The following HHLA1 variants were observed in gnomAD, a reference collection of about 807,000 sequenced individuals.
The protein encoded by HHLA1 is HHLA1 neighbor of OC90.
In HHLA1, 72 loss-of-function variants were observed where a neutral mutation model predicts 69.9. The ratio of observed to expected loss-of-function variants is 1.03; its 90% CI spans 0.85 to 1.25. The LOEUF is 1.25. HHLA1 is among the 50% of genes most tolerant of loss of function. The pLI, the probability that HHLA1 is intolerant of heterozygous loss-of-function variation, is 0.00. For synonymous variants in HHLA1, 252 were observed against 233.2 expected, an observed-to-expected ratio of 1.08 and a Z score of -0.73; for missense variants, 685 against 642.2, an observed-to-expected ratio of 1.07 and a Z score of -0.72.
chr8:132,077,951 T>C lies in HHLA1; in HGVS notation c.946A>G (p.Thr316Ala). Residue 316 changes from threonine to alanine, a missense_variant, in exon 12 of 17, where the codon ACT (threonine) becomes GCT (alanine). By Grantham distance (58) the Thr-to-Ala change is moderately conservative. Coordinates refer to ENST00000414222, the MANE Select transcript of HHLA1 (RefSeq NM_001145095.3). ...PALATRRVARTQWLTADRQTW... is the reference protein window; with the variant it reads ...PALATRRVARAQWLTADRQTW... ...TGTCTGTCAGCTGTCAACCACTGAG[T>C]TCTGGCCACCCTCCTGGTAGCTGCA... is the stretch of plus-strand genomic sequence containing the variant. 1 of 1,551,554 alleles carries C rather than the reference T, an allele frequency of 6.4e-7. No individual in the cohort carries two copies. The highest frequency in any genetic ancestry group is 2.0e-5 in the Admixed American group (1 of 50,990).
chr8:132,066,559 G>C (rs1307610818), intron 15 of HHLA1, among the ~76,000 whole-genome samples: 1 of 152,194 alleles, frequency 6.6e-6, no homozygotes, highest in Non-Finnish European at 1.5e-5. Flanking sequence ...AGGAAGAAGA[G>C]TTCTCAGTGC....
rs563877252 is a variant in HHLA1, at chr8:132,077,922, C to A, written c.975G>T (p.Thr325=). 6.4e-7 allele frequency: 1 copy of A among 1,551,462 alleles called. No homozygotes were observed. The highest frequency in any genetic ancestry group is 8.7e-7 in the Non-Finnish European group (1 of 1,146,944). Residue 325 remains threonine, a synonymous_variant, in exon 12 of 17, where the codon ACG becomes ACT. Coordinates refer to ENST00000414222, the MANE Select transcript of HHLA1 (RefSeq NM_001145095.3). ...RTQWLTADRQ[T]WASISSVPWA... is the part of the protein sequence containing the mutation. ...AGGGCACGGACGATATGGAAGCCCA[C>A]GTCTGTCTGTCAGCTGTCAACCACT...
chr8:132,107,582 G>A (rs1285336039), intron 1 of HHLA1, among the ~76,000 whole-genome samples: 1 of 152,152 alleles, frequency 6.6e-6, no homozygotes, highest in Non-Finnish European at 1.5e-5. Flanking sequence ...TTACAGGCAT[G>A]AGCCACCGCG....
chr8:132,107,957 C>T (rs1824233306), intron 1 of HHLA1, among the ~76,000 whole-genome samples: 1 of 152,176 alleles, frequency 6.6e-6, no homozygotes, highest in South Asian at 2.1e-4. Context: ...CAGTCTAGGA[C>T]AGGGAGAGAG....
chr8:132,074,153 A>AGTGCCTTTGCTTAAGCT (rs1316310906), intron 14 of HHLA1, among the ~76,000 whole-genome samples: 3 of 152,212 alleles, frequency 2.0e-5, no homozygotes, highest in Non-Finnish European at 4.4e-5. Flanking sequence ...TTTAAGGTAT[A>AGTGCCTTTGCTTAAGCT]GTGCCTTTGC....
At chr8:132,098,730 G>A (rs1824062550) in intron 5 of HHLA1, among the ~76,000 whole-genome samples, 152 bp downstream of exon 5, 2 of 151,980 alleles carry the variant, frequency 1.3e-5, no homozygotes, top group Admixed American at 6.6e-5. Flanking sequence ...TTACAGGCGT[G>A]AGACACTGAG....
intron 1 of HHLA1, among the ~76,000 whole-genome samples, chr8:132,106,169 C>T (rs13276114): frequency 0.18 from 28,065 of 151,820 alleles, 2,631 homozygotes; most frequent in East Asian, 0.22. Flanking sequence ...AGAAATTTAC[C>T]ATTGGTAGAG....
chr8:132,080,071 C>T (rs559651425), intron 10 of HHLA1, 105 bp from the exon 11 acceptor site: 3 of 1,401,352 alleles, frequency 2.1e-6, no homozygotes, highest in South Asian at 2.5e-5. Flanking sequence ...AGATTCAAAC[C>T]TTTCTCTAAT....
At chr8:132,080,341 G>A (rs971019503) in intron 10 of HHLA1, 10 of 356,684 alleles carry the variant, frequency 2.8e-5, no homozygotes, top group Admixed American at 2.7e-4. Context: ...AAGAGAGTCA[G>A]TGAAGGGAGA....
At chr8:132,105,593 C>T (rs1296490797) in intron 1 of HHLA1, among the ~76,000 whole-genome samples, 1 of 152,186 alleles carries the variant, frequency 6.6e-6, no homozygotes, top group Admixed American at 6.5e-5. Flanking sequence ...CAACTGTAGC[C>T]TCCTTAGACT....
chr8:132,091,728 T>C (rs1175986452), intron 7 of HHLA1, among the ~76,000 whole-genome samples: 1 of 152,256 alleles, frequency 6.6e-6, no homozygotes, highest in Non-Finnish European at 1.5e-5. Context: ...GATTTAAGAC[T>C]GTCTCTTAAC....
At chr8:132,081,193 A>G (rs1271584496) in intron 10 of HHLA1, 8 of 152,202 alleles carry the variant, frequency 5.3e-5, no homozygotes, top group Admixed American at 3.9e-4. Context: ...AGAGCAGGGC[A>G]TGTATGAGTA....
Position 132,065,075 on chromosome 8 carries a change from A to T in HHLA1, c.1552+811T>A, listed in dbSNP as rs1311746716. ...TGAGGTAGTTCAGGTAGATGGCATG[A>T]TAATGGCCAAACTATGGGTTTTGGG... On this transcript the variant is annotated intron_variant, in intron 16 of 16. Transcript: ENST00000414222. Among the ~76,000 whole-genome samples the T allele has an allele frequency of 5.9e-5, 9 of 152,298 alleles. No homozygotes were observed. The South Asian group carries it at 1.0e-3, about 18-fold the overall frequency.
intron 14 of HHLA1, 123 bp downstream of exon 14, chr8:132,075,932 C>A (rs1027105435): frequency 4.4e-6 from 3 of 689,510 alleles, no homozygotes; most frequent in Non-Finnish European, 4.9e-6. Context: ...AATGGCTGAG[C>A]TAAGATTTGA....
chr8:132,080,096 A>C, intron 10 of HHLA1, 130 bp from the exon 11 acceptor site: 2 of 1,264,720 alleles, frequency 1.6e-6, no homozygotes, highest in Non-Finnish European at 2.2e-6. Context: ...AGTATCAGGC[A>C]TTTGCTATGT....
chr8:132,071,270 G>A, intron 15 of HHLA1, 70 bp downstream of exon 15: 3 of 1,398,868 alleles, frequency 2.1e-6, no homozygotes, highest in Non-Finnish European at 2.9e-6. Context: ...CTTGTGGCCT[G>A]CAGAAAAGCC....
intron 3 of HHLA1, among the ~76,000 whole-genome samples, chr8:132,101,801 T>G (rs935164577): frequency 5.9e-5 from 9 of 152,194 alleles, no homozygotes; most frequent in African/African-American, 1.9e-4. Context: ...CTCAAACTCC[T>G]GACCTCATGA....
At chr8:132,081,236 A>C (rs1676544539) in intron 10 of HHLA1, 1 of 152,228 alleles carries the variant, frequency 6.6e-6, no homozygotes, top group African/African-American at 2.4e-5. Context: ...ATGACTAGAC[A>C]GAAGATAGTA....
Position 132,087,837 on chromosome 8 carries a change from T to G in HHLA1, c.589+8A>C. On this transcript the variant is annotated splice_region_variant and intron_variant, in intron 9 of 16. Transcript: ENST00000414222. ...AGAGAGCTTGTCAAAGAATGTCTAG[T>G]GGTTTACCTGACTTTCCTGTCATCA... The G allele has an allele frequency of 1.3e-6, 2 of 1,550,848 alleles. No individual in the cohort carries two copies. Among genetic ancestry groups the G allele is most frequent in the Non-Finnish European group, 1.7e-6 (2 of 1,146,078 alleles).
Sources: gnomAD v4.1 joint callset for allele counts (sites outside exome capture counted in the v4.1 genomes callset) on GRCh38, gnomAD v4.1.1 for gene constraint, MANE v1.5 for transcripts, NCBI Gene and HGNC (gene_info 2026-07-23, HGNC 2026-07-21) for gene names.